LRP1B: variants seen among roughly 807,000 people sequenced by gnomAD.
LRP1B encodes the protein LDL receptor related protein 1B.
LRP1B carries 217 observed loss-of-function variants against 556.6 expected under a neutral mutation model. That is an observed-to-expected ratio of 0.39 (90% confidence interval 0.35 to 0.44). The LOEUF is 0.44. Ranked by LOEUF, LRP1B falls within the 20% of genes least tolerant of loss-of-function variation. The pLI is 1.00. For missense variants in LRP1B, 5,053 were observed against 5,620.8 expected, an observed-to-expected ratio of 0.90 and a Z score of 3.23; for synonymous variants, 2,047 against 1,865.8, an observed-to-expected ratio of 1.10 and a Z score of -2.50.
At chr2:141,842,460 T>C (rs1295876613) in intron 1 of LRP1B, among the ~76,000 whole-genome samples, 3 of 152,142 alleles carry the variant, frequency 2.0e-5, no homozygotes, top group African/African-American at 7.2e-5. Context: ...TTTATGTCTC[T>C]TTCCCTTGGT....
At chr2:141,760,657 A>G (rs1174144931) in intron 2 of LRP1B, among the ~76,000 whole-genome samples, 1 of 152,234 alleles carries the variant, frequency 6.6e-6, no homozygotes, top group Admixed American at 6.5e-5. Context: ...ATGGATTGTT[A>G]CAGAGTTTTC....
chr2:140,993,532 A>G (rs1397478752), intron 16 of LRP1B, among the ~76,000 whole-genome samples: 2 of 152,082 alleles, frequency 1.3e-5, no homozygotes, highest in Admixed American at 6.6e-5. Flanking sequence ...GTGAAGCTAT[A>G]TAGTAACATG....
chr2:141,228,082 A>G (rs1683314190), intron 6 of LRP1B, among the ~76,000 whole-genome samples: 2 of 152,102 alleles, frequency 1.3e-5, no homozygotes, highest in African/African-American at 2.4e-5. Flanking sequence ...GTGCACCAGC[A>G]TGCCTGGCTA....
chr2:141,232,315 G>A (rs1683501220), intron 5 of LRP1B, among the ~76,000 whole-genome samples: 2 of 152,152 alleles, frequency 1.3e-5, no homozygotes, highest in Admixed American at 1.3e-4. Flanking sequence ...GACTGACAAT[G>A]TCAGTCCTTA....
intron 3 of LRP1B, among the ~76,000 whole-genome samples, chr2:141,293,591 GTAAATT>G (rs1686061830): frequency 6.7e-6 from 1 of 149,428 alleles, no homozygotes; most frequent in Admixed American, 6.7e-5. Context: ...AACCACTTTT[GTAAATT>G]TAATTTGATG....
At chr2:141,760,578 A>G (rs16847062) in intron 2 of LRP1B, among the ~76,000 whole-genome samples, 16,907 of 152,276 alleles carry the variant, frequency 0.11, 1,210 homozygotes, top group African/African-American at 0.19. Context: ...TATATACAAC[A>G]ATAAAGATGT....
At chr2:140,707,687 A>G (rs1216896622) in intron 37 of LRP1B, among the ~76,000 whole-genome samples, 8 of 152,232 alleles carry the variant, frequency 5.3e-5, no homozygotes, top group African/African-American at 1.7e-4. Flanking sequence ...ATAAAATGAA[A>G]TGTAGAGCGT....
intron 84 of LRP1B, among the ~76,000 whole-genome samples, chr2:140,288,834 G>A (rs547747188): frequency 6.1e-4 from 92 of 151,838 alleles, no homozygotes; most frequent in African/African-American, 2.2e-3. Flanking sequence ...ACAACTAAGT[G>A]ACTTTGAGAT....
chr2:141,804,852 G>A (rs900817400), intron 2 of LRP1B, among the ~76,000 whole-genome samples: 10 of 152,052 alleles, frequency 6.6e-5, no homozygotes, highest in Admixed American at 5.3e-4. Context: ...AGTTGTCCAA[G>A]AGCAAAGATA....
intron 31 of LRP1B, among the ~76,000 whole-genome samples, chr2:140,820,426 TAC>T (rs1430695702): frequency 1.3e-5 from 2 of 152,196 alleles, no homozygotes; most frequent in African/African-American, 4.8e-5. Flanking sequence ...GATCCCTTAC[TAC>T]TTATCCTATT....
intron 3 of LRP1B, among the ~76,000 whole-genome samples, chr2:141,328,151 C>T (rs1687498295): frequency 6.6e-6 from 1 of 152,086 alleles, no homozygotes; most frequent in Non-Finnish European, 1.5e-5. Flanking sequence ...ATCTATCTAC[C>T]TACACACATA....
intron 3 of LRP1B, among the ~76,000 whole-genome samples, chr2:141,390,903 G>A (rs550420796): frequency 5.9e-5 from 9 of 152,070 alleles, no homozygotes; most frequent in East Asian, 3.9e-4. Flanking sequence ...ATAATTTTAC[G>A]TTATGTAAAT....
At chr2:140,905,225 C>T (rs1050792688) in intron 22 of LRP1B, among the ~76,000 whole-genome samples, 3 of 151,994 alleles carry the variant, frequency 2.0e-5, no homozygotes, top group African/African-American at 7.2e-5. Flanking sequence ...CTCCACCGCC[C>T]CCCTCCCCAA....
chr2:140,796,036 A>C (rs1181713535), intron 32 of LRP1B, among the ~76,000 whole-genome samples: 1 of 150,476 alleles, frequency 6.6e-6, no homozygotes, highest in Non-Finnish European at 1.5e-5. Flanking sequence ...AATATGTAAC[A>C]ATTATGTCCC....
chr2:141,295,451 C>A (rs1451194376), intron 3 of LRP1B, among the ~76,000 whole-genome samples: 1 of 151,982 alleles, frequency 6.6e-6, no homozygotes, highest in East Asian at 1.9e-4. Context: ...TTTAATGAAT[C>A]TCAATTTAGG....
At chr2:141,752,447 C>T (rs1356359661) in intron 2 of LRP1B, among the ~76,000 whole-genome samples, 2 of 152,074 alleles carry the variant, frequency 1.3e-5, no homozygotes, top group African/African-American at 4.8e-5. Context: ...TTTCCATACT[C>T]GATGATGCTC....
At chr2:140,548,115 T>C (rs1299179471) in intron 43 of LRP1B, among the ~76,000 whole-genome samples, 1 of 152,150 alleles carries the variant, frequency 6.6e-6, no homozygotes, top group African/African-American at 2.4e-5. Context: ...TTATACATAG[T>C]ATTCATTTAA....
chr2:141,603,483 A>G (rs1687819898), intron 2 of LRP1B, among the ~76,000 whole-genome samples: 1 of 152,150 alleles, frequency 6.6e-6, no homozygotes, highest in East Asian at 1.9e-4. Context: ...CATGTCTTGT[A>G]TCAGGGGATA....
intron 2 of LRP1B, among the ~76,000 whole-genome samples, chr2:141,716,847 A>G (rs1419900023): frequency 1.3e-5 from 2 of 152,166 alleles, no homozygotes; most frequent in African/African-American, 4.8e-5. Context: ...TCCTGTGTCT[A>G]CTAGTCTTGA....
Sources: allele counts gnomAD v4.1 joint callset (sites outside exome capture counted in the v4.1 genomes callset), GRCh38; gene constraint gnomAD v4.1.1; transcripts MANE v1.5; gene names NCBI Gene and HGNC (gene_info 2026-07-23, HGNC 2026-07-21).